Variants in GRIP1 observed in about 807,000 individuals in gnomAD.
GRIP1 encodes glutamate receptor interacting protein 1.
In GRIP1, 45 loss-of-function variants were observed where a neutral mutation model predicts 129.9. The ratio of observed to expected loss-of-function variants is 0.35; its 90% CI spans 0.27 to 0.44. The LOEUF (loss-of-function observed/expected upper bound fraction) is 0.44. Ranked by LOEUF, GRIP1 falls within the 20% of genes least tolerant of loss-of-function variation. The pLI is 1.00. For synonymous variants in GRIP1, 530 were observed against 520.8 expected, an observed-to-expected ratio of 1.02 and a Z score of -0.24; for missense variants, 1,196 against 1,396.8, an observed-to-expected ratio of 0.86 and a Z score of 2.29.
chr12:66,780,319 A>G (rs1263900346), intron 1 of GRIP1, among the ~76,000 whole-genome samples: 1 of 152,236 alleles, frequency 6.6e-6, no homozygotes, highest in Non-Finnish European at 1.5e-5. Flanking sequence ...GCAGGTGTTC[A>G]CTAGAGAGTG....
At chr12:67,057,587 T>A (rs186743148) in intron 1 of GRIP1, among the ~76,000 whole-genome samples, 173 of 152,182 alleles carry the variant, frequency 1.1e-3, no homozygotes, top group African/African-American at 4.0e-3. Context: ...AGTTATTGAG[T>A]ATAGAGCCAA....
intron 1 of GRIP1, among the ~76,000 whole-genome samples, chr12:67,004,982 A>T (rs1012380445): frequency 1.3e-5 from 2 of 151,788 alleles, no homozygotes; most frequent in Non-Finnish European, 2.9e-5. Context: ...CCATGAGAGC[A>T]TTTTTCAAAA....
chr12:66,541,964 A>G lies in GRIP1; in HGVS notation c.137-14T>C, dbSNP rs757682625. ...CCTTGAATTCCTCTGTTAAAAGAAA[A>G]GCATTTGCCTTATTAAAATGAGAGT... is the stretch of plus-strand genomic sequence containing the variant. On this transcript the variant is annotated splice_polypyrimidine_tract_variant and intron_variant, in intron 2 of 24. Transcript: ENST00000359742. 4 of 1,612,994 alleles carry G rather than the reference A, an allele frequency of 2.5e-6. No individual in the cohort carries two copies. The East Asian group carries it at 8.9e-5, about 36-fold the overall frequency.
chr12:66,423,065 A>G (rs2057863424), intron 14 of GRIP1, among the ~76,000 whole-genome samples: 1 of 152,154 alleles, frequency 6.6e-6, no homozygotes, highest in Non-Finnish European at 1.5e-5. Flanking sequence ...ACACTTACAA[A>G]TTAGTAGATT....
At chr12:66,941,214 T>G (rs901824896) in intron 1 of GRIP1, among the ~76,000 whole-genome samples, 1 of 151,942 alleles carries the variant, frequency 6.6e-6, no homozygotes, top group Non-Finnish European at 1.5e-5. Context: ...CTGAGAACAG[T>G]GACTTGCCCA....
At chr12:67,027,509 C>T (rs983114762) in intron 1 of GRIP1, among the ~76,000 whole-genome samples, 1 of 152,170 alleles carries the variant, frequency 6.6e-6, no homozygotes, top group African/African-American at 2.4e-5. Context: ...TAGTGACGTG[C>T]AAAACCAGAT....
intron 23 of GRIP1, among the ~76,000 whole-genome samples, chr12:66,355,497 C>A (rs2054444443): frequency 6.6e-6 from 1 of 152,184 alleles, no homozygotes; most frequent in Admixed American, 6.5e-5. Context: ...CACTTTACTA[C>A]ATAAAGGGTG....
rs569717272 is a variant in GRIP1 at position 66,887,367 on chromosome 12, C to T, written c.58+181683G>A. Among the ~76,000 whole-genome samples, 6 of 152,302 alleles carry T rather than the reference C, an allele frequency of 3.9e-5. No homozygotes were observed. The East Asian group carries it at 7.7e-4, about 20-fold the overall frequency. On this transcript the variant is annotated intron_variant, in intron 1 of 1. Coordinates refer to the GRIP1 transcript ENST00000643019. ...TGCAAATTTTCTCCCTGTGCCTCAA[C>T]GTCCTCAGGGGTAAAATGGGATTAA...
intron 1 of GRIP1, among the ~76,000 whole-genome samples, chr12:66,882,781 C>T (rs1053610854): frequency 1.3e-5 from 2 of 152,146 alleles, no homozygotes; most frequent in African/African-American, 4.8e-5. Context: ...GCACCTTCCC[C>T]ATGGTCTCCT....
intron 14 of GRIP1, among the ~76,000 whole-genome samples, chr12:66,422,150 C>T (rs922635859): frequency 1.3e-5 from 2 of 152,080 alleles, no homozygotes; most frequent in Non-Finnish European, 2.9e-5. Flanking sequence ...ATCTGAATCC[C>T]AGGAAAATGT....
chr12:66,658,806 C>T (rs987498944), intron 1 of GRIP1, among the ~76,000 whole-genome samples: 2 of 151,508 alleles, frequency 1.3e-5, no homozygotes, highest in Non-Finnish European at 2.9e-5. Flanking sequence ...CACCTGTGTT[C>T]CCAACTACCT....
intron 1 of GRIP1, among the ~76,000 whole-genome samples, chr12:66,829,779 G>A (rs539590043): frequency 3.9e-5 from 6 of 152,280 alleles, no homozygotes; most frequent in African/African-American, 1.2e-4. Flanking sequence ...TCAGTTTCAG[G>A]TTAGGAAAGC....
chr12:66,813,416 G>A (rs12425160), intron 1 of GRIP1, among the ~76,000 whole-genome samples: 17,378 of 152,146 alleles, frequency 0.11, 1,120 homozygotes, highest in South Asian at 0.21. Flanking sequence ...ATTTCAACAT[G>A]AGGTTTGGAG....
chr12:67,058,250 C>G (rs915909162), intron 1 of GRIP1, among the ~76,000 whole-genome samples: 2 of 152,194 alleles, frequency 1.3e-5, no homozygotes. Flanking sequence ...AAACTACATT[C>G]AGTACCTTTC....
At chr12:66,735,514 C>A (rs907164012) in intron 1 of GRIP1, among the ~76,000 whole-genome samples, 2 of 152,082 alleles carry the variant, frequency 1.3e-5, no homozygotes, top group African/African-American at 4.8e-5. Context: ...ATTTCTGACT[C>A]ACTTCTTACT....
At chr12:66,704,636 G>T (rs550905464) in intron 1 of GRIP1, among the ~76,000 whole-genome samples, 2 of 152,176 alleles carry the variant, frequency 1.3e-5, no homozygotes, top group South Asian at 2.1e-4. Flanking sequence ...CCTACAGGTG[G>T]CAGGAAAGAG....
intron 1 of GRIP1, among the ~76,000 whole-genome samples, chr12:66,890,614 C>T (rs527804048): frequency 6.6e-6 from 1 of 151,978 alleles, no homozygotes; most frequent in Non-Finnish European, 1.5e-5. Flanking sequence ...CTATTCTCTG[C>T]TCAGTATCAA....
At chr12:66,471,055 T>C (rs2059426101) in intron 7 of GRIP1, among the ~76,000 whole-genome samples, 1 of 152,120 alleles carries the variant, frequency 6.6e-6, no homozygotes, top group African/African-American at 2.4e-5. Context: ...CTAGCCAAAC[T>C]CAACTGGAAG....
intron 1 of GRIP1, among the ~76,000 whole-genome samples, chr12:66,670,941 G>GGCTGAAACATATCTAGTAGCATCTCTAT (rs1283416058): frequency 6.6e-6 from 1 of 152,018 alleles, no homozygotes; most frequent in Non-Finnish European, 1.5e-5. Context: ...GCTTGTCTCT[G>GGCTGAAACATATCTAGTAGCATCTCTAT]GCTGAAACAT....
Sources: gnomAD v4.1 joint callset for allele counts (sites outside exome capture counted in the v4.1 genomes callset) on GRCh38, gnomAD v4.1.1 for gene constraint, MANE v1.5 for transcripts, NCBI Gene and HGNC (gene_info 2026-07-23, HGNC 2026-07-21) for gene names.